The following PCDH9 variants were observed in gnomAD, a reference collection of about 807,000 sequenced individuals.
PCDH9 encodes the protein protocadherin 9.
In PCDH9, 24 loss-of-function variants were observed where a neutral mutation model predicts 70.6. That is an observed-to-expected ratio of 0.34 (90% CI 0.25 to 0.48). The LOEUF is 0.48. Ranked by LOEUF, PCDH9 falls within the 20% of genes least tolerant of loss-of-function variation. PCDH9 has a pLI of 0.99. For missense variants in PCDH9, 1,281 were observed against 1,503.6 expected, an observed-to-expected ratio of 0.85 and a Z score of 2.45; for synonymous variants, 562 against 558.5, an observed-to-expected ratio of 1.01 and a Z score of -0.09.
chr13:66,979,776 C>A (rs986511103), intron 2 of PCDH9, among the ~76,000 whole-genome samples: 1 of 152,096 alleles, frequency 6.6e-6, no homozygotes, highest in African/African-American at 2.4e-5. Flanking sequence ...ATCACAAACA[C>A]TTTTCTGTGC....
intron 2 of PCDH9, among the ~76,000 whole-genome samples, chr13:67,013,712 T>C (rs1461093389): frequency 7.5e-6 from 1 of 133,760 alleles, no homozygotes; most frequent in East Asian, 2.0e-4. Flanking sequence ...TTGGATATTG[T>C]TGATGGATAA....
intron 2 of PCDH9, among the ~76,000 whole-genome samples, chr13:66,983,763 G>A (rs974880): frequency 0.99 from 150,455 of 152,138 alleles, 74,416 homozygotes; most frequent in East Asian, 1. Flanking sequence ...GGTTTGTTAT[G>A]CAGATTATTT....
intron 2 of PCDH9, among the ~76,000 whole-genome samples, chr13:66,910,532 AT>A (rs2082443821): frequency 0.012 from 1 of 86 alleles, no homozygotes; most frequent in African/African-American, 0.042. Flanking sequence ...GCGTAAAAAA[AT>A]CTTACAAATT....
intron 3 of PCDH9, among the ~76,000 whole-genome samples, chr13:66,705,330 A>G (rs2078697844): frequency 6.6e-6 from 1 of 152,186 alleles, no homozygotes; most frequent in South Asian, 2.1e-4. Flanking sequence ...GTGACATGGG[A>G]AAGATTTGTC....
At chr13:66,417,013 G>A (rs1957472705) in intron 4 of PCDH9, among the ~76,000 whole-genome samples, 1 of 152,032 alleles carries the variant, frequency 6.6e-6, no homozygotes, top group South Asian at 2.1e-4. Context: ...AGGACAAGTG[G>A]GTGACGATGA....
intron 2 of PCDH9, among the ~76,000 whole-genome samples, chr13:66,936,367 T>G (rs2082916071): frequency 6.6e-6 from 1 of 152,194 alleles, no homozygotes; most frequent in Non-Finnish European, 1.5e-5. Context: ...CAATTAATAT[T>G]TTGGGTCCAA....
chr13:67,192,015 A>G (rs1052390213), intron 2 of PCDH9, among the ~76,000 whole-genome samples: 4 of 152,026 alleles, frequency 2.6e-5, no homozygotes, highest in African/African-American at 9.7e-5. Flanking sequence ...GAAAAAAAAA[A>G]ACATGTTGTA....
At chr13:66,491,219 T>C (rs142049226) in intron 4 of PCDH9, among the ~76,000 whole-genome samples, 13 of 152,282 alleles carry the variant, frequency 8.5e-5, no homozygotes, top group East Asian at 7.7e-4. Context: ...AAGTCCATAG[T>C]TGTTCTTTTT....
At chr13:67,057,932 A>C (rs954001883) in intron 2 of PCDH9, among the ~76,000 whole-genome samples, 2 of 151,702 alleles carry the variant, frequency 1.3e-5, no homozygotes, top group African/African-American at 4.9e-5. Flanking sequence ...TGTTCTCTGA[A>C]ACTCTGTAAT....
At chr13:67,039,295 C>T (rs2085066573) in intron 2 of PCDH9, among the ~76,000 whole-genome samples, 1 of 152,132 alleles carries the variant, frequency 6.6e-6, no homozygotes, top group Non-Finnish European at 1.5e-5. Context: ...ACAGGCAGAA[C>T]CTAAGTACCG....
intron 2 of PCDH9, chr13:67,216,277 C>A (rs1193348692): frequency 6.6e-6 from 1 of 151,986 alleles, no homozygotes; most frequent in Non-Finnish European, 1.5e-5. Context: ...GCTACCACTG[C>A]ATGGCAGAAA....
intron 2 of PCDH9, among the ~76,000 whole-genome samples, chr13:67,117,208 C>G (rs1179029817): frequency 2.0e-5 from 3 of 152,116 alleles, no homozygotes; most frequent in Non-Finnish European, 4.4e-5. Flanking sequence ...TTTCTGTATT[C>G]CTTTCCATGC....
intron 2 of PCDH9, among the ~76,000 whole-genome samples, chr13:67,095,260 C>G (rs1327098110): frequency 6.6e-6 from 1 of 151,984 alleles, no homozygotes; most frequent in Non-Finnish European, 1.5e-5. Flanking sequence ...CCTAACAACT[C>G]TATATATCAC....
chr13:67,181,885 T>C (rs1208111137), intron 2 of PCDH9, among the ~76,000 whole-genome samples: 1 of 152,194 alleles, frequency 6.6e-6, no homozygotes, highest in Non-Finnish European at 1.5e-5. Flanking sequence ...CTCAGCAACA[T>C]TTAAACAGCA....
chr13:66,827,857 C>A (rs1028107394), intron 3 of PCDH9, among the ~76,000 whole-genome samples: 2 of 151,958 alleles, frequency 1.3e-5, no homozygotes, highest in African/African-American at 4.8e-5. Flanking sequence ...ATTCCCAATC[C>A]CTATGGGATA....
At chr13:66,331,595 T>A (rs976712032) in intron 4 of PCDH9, among the ~76,000 whole-genome samples, 1 of 152,186 alleles carries the variant, frequency 6.6e-6, no homozygotes, top group Non-Finnish European at 1.5e-5. Context: ...TGAGAAAAAT[T>A]ATTGAAACTG....
At chr13:66,331,019 A>C (rs1482961136) in intron 4 of PCDH9, among the ~76,000 whole-genome samples, 1 of 152,176 alleles carries the variant, frequency 6.6e-6, no homozygotes, top group Non-Finnish European at 1.5e-5. Context: ...AGAGAAAATT[A>C]TAGTTCGAAG....
intron 2 of PCDH9, among the ~76,000 whole-genome samples, chr13:67,131,961 T>C (rs17517404): frequency 0.19 from 29,023 of 152,108 alleles, 2,888 homozygotes; most frequent in Admixed American, 0.25. Flanking sequence ...TATCCATCCA[T>C]CAGCACATTT....
At chr13:66,405,574 C>T (rs1234446854) in intron 4 of PCDH9, among the ~76,000 whole-genome samples, 1 of 152,108 alleles carries the variant, frequency 6.6e-6, no homozygotes, top group Non-Finnish European at 1.5e-5. Context: ...CTCATCTCCC[C>T]TTGATCTGAG....
Sources: allele counts gnomAD v4.1 joint callset (sites outside exome capture counted in the v4.1 genomes callset), GRCh38; gene constraint gnomAD v4.1.1; transcripts MANE v1.5; gene names NCBI Gene and HGNC (gene_info 2026-07-23, HGNC 2026-07-21).